AFAP1L1: variants seen among roughly 807,000 people sequenced by gnomAD.
AFAP1L1 encodes the protein actin filament-associated protein 1-like 1.
In AFAP1L1, 77 loss-of-function variants were observed where a neutral mutation model predicts 99.8. That is an observed-to-expected ratio of 0.77 (90% CI 0.64 to 0.93). The LOEUF (loss-of-function observed/expected upper bound fraction) is 0.93, where lower values mean the gene tolerates loss of function less well. AFAP1L1 is among the 40% of genes least tolerant of loss of function. The pLI is 0.00. For synonymous variants in AFAP1L1, 373 were observed against 395.3 expected (o/e 0.94, Z 0.67); for missense variants, 893 against 996.8 (o/e 0.90, Z 1.40).
chr5:149,320,366 T>TGTCATC lies in AFAP1L1; in HGVS notation c.1626-22_1626-17dup, dbSNP rs747427003. 1.2e-6 allele frequency: 2 copies of TGTCATC among 1,610,498 alleles called. No homozygotes were observed. Among genetic ancestry groups the TGTCATC allele is most frequent in the South Asian group, 2.2e-5 (2 of 91,010 alleles). On this transcript the variant is annotated intron_variant, in intron 13 of 18. Transcript: ENST00000296721. This position sits in a 1 kb window ranked among gnomAD's most constrained non-coding sequence, Gnocchi z 4.0. ...TGCAAAGCATCATTGTCATTGTCAT[T>TGTCATC]GTCATCGTACATTTTATTTTCTAGA...
In AFAP1L1 at chr5:149,320,830, A is replaced by G. The variant is rs2127600174; in HGVS notation, c.1698+367A>G. Among the ~76,000 whole-genome samples, 1 of 152,232 alleles carries G rather than the reference A, an allele frequency of 6.6e-6. No homozygotes were observed. Among genetic ancestry groups the G allele is most frequent in the South Asian group, 2.1e-4 (1 of 4,824 alleles). ...GTCTGGGGCAGGTCCTGACTCTGGG[A>G]CCACCCCGCAAGCCTTCACCTGGTG... On this transcript the variant is annotated intron_variant, in intron 14 of 18. Coordinates refer to ENST00000296721, the MANE Select transcript of AFAP1L1 (RefSeq NM_152406.4). The surrounding 1 kb of genome is among the most constrained non-coding windows in gnomAD (Gnocchi z 4.0).
rs917413911 is a variant in AFAP1L1 at position 149,343,372 on chromosome 5, T to A, written c.*3342T>A. ...ACTATCCAGTAACTAAGCTGGCAAC[T>A]CCAAGTGCCCTGGACCCCAGTCACC... On this transcript the variant is annotated 3_prime_UTR_variant, in exon 19 of 19. Coordinates refer to ENST00000296721, the MANE Select transcript of AFAP1L1 (RefSeq NM_152406.4). 6.6e-6 allele frequency among the ~76,000 whole-genome samples: 1 copy of A among 151,952 alleles called. No homozygotes were observed. The highest frequency in any genetic ancestry group is 6.6e-5 in the Admixed American group (1 of 15,252).
chr5:149,314,198 G>A (rs893950855), intron 9 of AFAP1L1, among the ~76,000 whole-genome samples: 1 of 152,240 alleles, frequency 6.6e-6, no homozygotes, highest in Non-Finnish European at 1.5e-5. Flanking sequence ...GGTGGATGCA[G>A]GAGGAGAAGC....
At chr5:149,309,795 A>G (rs759888660) in intron 7 of AFAP1L1, among the ~76,000 whole-genome samples, 161 bp from the exon 8 acceptor site, 3 of 152,182 alleles carry the variant, frequency 2.0e-5, no homozygotes, top group Non-Finnish European at 4.4e-5. Context: ...CAGGGTGAAC[A>G]GCCTGGACCC....
intron 1 of AFAP1L1, among the ~76,000 whole-genome samples, chr5:149,290,200 TCCAG>T (rs1755809131): frequency 6.6e-6 from 1 of 152,220 alleles, no homozygotes. Context: ...GCCACTGCAC[TCCAG>T]CCTGGGCAAC....
Position 149,307,561 on chromosome 5 carries a change from G to T in AFAP1L1, c.695G>T (p.Arg232Leu). ...RICAFLLRKK[R>L]FGQWAKQLTV... ...TGTGCCTTCCTGCTGCGGAAAAAGC[G>T]TTTCGGGCAGTGGGCCAAGCAGCTG... Residue 232 changes from arginine to leucine, a missense_variant, in exon 7 of 19, where the codon CGT (arginine) becomes CTT (leucine). Coordinates refer to ENST00000296721, the MANE Select transcript of AFAP1L1 (RefSeq NM_152406.4). 6.2e-7 allele frequency: 1 copy of T among 1,613,556 alleles called. No individual in the cohort carries two copies. Among genetic ancestry groups the T allele is most frequent in the Non-Finnish European group, 8.5e-7 (1 of 1,179,960 alleles).
chr5:149,339,626 A>G (rs149900562), intron 18 of AFAP1L1, among the ~76,000 whole-genome samples: 42 of 152,328 alleles, frequency 2.8e-4, no homozygotes, highest in Middle Eastern at 3.4e-3. Context: ...AGAATGGACA[A>G]TAGGCCAGAC....
intron 15 of AFAP1L1, among the ~76,000 whole-genome samples, chr5:149,324,042 C>G (rs1222373587): frequency 4.6e-5 from 7 of 152,184 alleles, no homozygotes; most frequent in Admixed American, 2.6e-4. Context: ...CTCCACTTTT[C>G]CTGTTAGCCA....
chr5:149,311,890 T>C (rs1756640457), intron 8 of AFAP1L1, among the ~76,000 whole-genome samples: 1 of 152,210 alleles, frequency 6.6e-6, no homozygotes, highest in Admixed American at 6.5e-5. Flanking sequence ...ATAAGCCTCT[T>C]GGTCCCCATC....
At position 149,287,363 on chromosome 5, in the gene AFAP1L1, G is replaced by A. The variant is rs553193063; in HGVS notation, c.17-12146G>A. Among the ~76,000 whole-genome samples the A allele has an allele frequency of 2.6e-5, 4 of 152,262 alleles. No individual in the cohort carries two copies. In the East Asian group the frequency reaches 5.8e-4, roughly 22 times the overall value. On this transcript the variant is annotated intron_variant, in intron 1 of 18. Coordinates refer to ENST00000296721, the MANE Select transcript of AFAP1L1 (RefSeq NM_152406.4). Reference sequence around the variant, plus strand: ...CAGGATGATAGTGAGATTGGGCAGGGTAGGCAGGAGGGCGGGATCATAAAG... The same window carrying A: ...CAGGATGATAGTGAGATTGGGCAGGATAGGCAGGAGGGCGGGATCATAAAG...
chr5:149,271,954 G>A lies in AFAP1L1; in HGVS notation c.-15G>A, dbSNP rs1755124042. 15 of 1,232,970 alleles carry A rather than the reference G, an allele frequency of 1.2e-5. No homozygotes were observed. The highest frequency in any genetic ancestry group is 2.8e-4 in the Middle Eastern group (1 of 3,510). 76.4% of individuals were successfully genotyped at this position (1,232,970 alleles called of 1,614,324 possible). A position where few individuals can be genotyped will look rare whatever the true frequency, so the allele number is the denominator to read the frequency against. Reference sequence around the variant, plus strand: ...TGCGCCCTGCGGCCCGCTCCCCGGGGACCGGGCCGGCGCCATGGACCGAGG... The same window carrying A: ...TGCGCCCTGCGGCCCGCTCCCCGGGAACCGGGCCGGCGCCATGGACCGAGG... On this transcript the variant is annotated 5_prime_UTR_variant, in exon 1 of 19. Transcript: ENST00000296721.
intron 15 of AFAP1L1, among the ~76,000 whole-genome samples, chr5:149,326,505 C>T (rs901053825): frequency 1.4e-5 from 2 of 146,252 alleles, no homozygotes; most frequent in Non-Finnish European, 3.0e-5. Flanking sequence ...TGCCACTGCA[C>T]TCCAGCCTGG....
chr5:149,314,236 C>T (rs955637235), intron 9 of AFAP1L1, among the ~76,000 whole-genome samples: 29 of 152,144 alleles, frequency 1.9e-4, no homozygotes, highest in Non-Finnish European at 8.8e-5. Context: ...TAGCCTTTGC[C>T]ATTGGTGAGG....
chr5:149,339,548 A>G (rs1192631491), intron 18 of AFAP1L1, among the ~76,000 whole-genome samples: 1 of 152,210 alleles, frequency 6.6e-6, no homozygotes, highest in Non-Finnish European at 1.5e-5. Flanking sequence ...TTCATGTGTC[A>G]TGAGATAGTC....
intron 1 of AFAP1L1, 112 bp downstream of exon 1, chr5:149,272,096 T>C: frequency 9.9e-7 from 1 of 1,013,408 alleles, no homozygotes. Flanking sequence ...GGGCGGGGGC[T>C]GAGGAACGCT....
chr5:149,332,602 C>G (rs976245516), intron 16 of AFAP1L1, 93 bp from the exon 17 acceptor site: 3 of 1,391,702 alleles, frequency 2.2e-6, no homozygotes, highest in Non-Finnish European at 2.9e-6. Flanking sequence ...GAAGGGCCCT[C>G]TAGGAGGGGC....
At chr5:149,282,049 G>A (rs1426248768) in intron 1 of AFAP1L1, among the ~76,000 whole-genome samples, 3 of 152,150 alleles carry the variant, frequency 2.0e-5, no homozygotes, top group African/African-American at 2.4e-5. Context: ...GGGAGGGCCC[G>A]GCCGGGGTCT....
chr5:149,320,536 A>T lies in AFAP1L1; in HGVS notation c.1698+73A>T. The T allele has an allele frequency of 7.4e-7, 1 of 1,357,386 alleles. No homozygotes were observed. The highest frequency in any genetic ancestry group is 1.0e-6 in the Non-Finnish European group (1 of 952,472). 84.1% of individuals were successfully genotyped at this position (1,357,386 alleles called of 1,614,324 possible). A position where few individuals can be genotyped will look rare whatever the true frequency, so the allele number is the denominator to read the frequency against. ...AGCTCTCCCTCTTTCTGCTCCCTTT[A>T]CCTTCTGCCTCAGAAAGATCATTTT... On this transcript the variant is annotated intron_variant, in intron 14 of 18. Transcript: ENST00000296721. This position sits in a 1 kb window ranked among gnomAD's most constrained non-coding sequence, Gnocchi z 4.0.
rs553396750 is a variant in AFAP1L1, at chr5:149,340,831, T to C, written c.*801T>C. 1 of 152,336 alleles carries C rather than the reference T, an allele frequency of 6.6e-6. No homozygotes were observed. The highest frequency in any genetic ancestry group is 1.9e-4 in the East Asian group (1 of 5,188). The allele number at this position is 152,336 out of a possible 1,614,324, so 9.4% of individuals were successfully genotyped here. A position where few individuals can be genotyped will look rare whatever the true frequency, so the allele number is the denominator to read the frequency against. On this transcript the variant is annotated 3_prime_UTR_variant, in exon 19 of 19. Transcript: ENST00000296721. ...TAAATCAAGTCCCTTACCTATGTTC[T>C]GACACTGAGGCTCTTGGAGCTATGG...
Sources: allele counts gnomAD v4.1 joint callset (sites outside exome capture counted in the v4.1 genomes callset), GRCh38; gene constraint gnomAD v4.1.1; non-coding constraint Gnocchi (gnomAD v3.1); transcripts MANE v1.5; gene names NCBI Gene and HGNC (gene_info 2026-07-23, HGNC 2026-07-21).